The following PCDHGB4 variants were observed in gnomAD, a reference collection of about 807,000 sequenced individuals.
PCDHGB4 encodes protocadherin gamma-B4.
PCDHGB4 carries 38 observed loss-of-function variants against 60.5 expected under a neutral mutation model. That is an observed-to-expected ratio of 0.63 (90% CI 0.48 to 0.82). The LOEUF (loss-of-function observed/expected upper bound fraction) is 0.82. Among genes scored for constraint, PCDHGB4 ranks in the 40% least tolerant of loss-of-function variants. PCDHGB4 has a pLI of 0.00. For synonymous variants in PCDHGB4, 456 were observed against 509.7 expected, an observed-to-expected ratio of 0.89 and a Z score of 1.42; for missense variants, 1,109 against 1,209.6, an observed-to-expected ratio of 0.92 and a Z score of 1.23.
At position 141,388,133 on chromosome 5, in the gene PCDHGB4, G is replaced by T. The variant is rs2091251188; in HGVS notation, c.249G>T (p.Glu83Asp). 3 of 1,450,776 alleles carry T rather than the reference G, an allele frequency of 2.1e-6. No homozygotes were observed. The allele number at this position is 1,450,776 out of a possible 1,614,324, so 89.9% of individuals were successfully genotyped here. A position where few individuals can be genotyped will look rare whatever the true frequency, so the allele number is the denominator to read the frequency against. Reference sequence around the variant, plus strand: ...TCACCGTGAGCGCAGAGAGCGGGGAGTTGCTTGTGAGCAGCAGGCTAGACA... The same window carrying T: ...TCACCGTGAGCGCAGAGAGCGGGGATTTGCTTGTGAGCAGCAGGCTAGACA... ...PYFTVSAESG[E>D]LLVSSRLDRE... Residue 83 changes from glutamate to aspartate, a missense_variant, in exon 1 of 4, where the codon GAG becomes GAT. Transcript: ENST00000519479.
chr5:141,451,993 C>G (rs1235806360), intron 1 of PCDHGB4, among the ~76,000 whole-genome samples: 4 of 152,164 alleles, frequency 2.6e-5, no homozygotes, highest in African/African-American at 7.2e-5. Context: ...TCATTAGAAG[C>G]AAAATCACTT....
At chr5:141,504,182 C>A (rs2099836345) in intron 2 of PCDHGB4, among the ~76,000 whole-genome samples, 1 of 152,234 alleles carries the variant, frequency 6.6e-6, no homozygotes, top group Non-Finnish European at 1.5e-5. Context: ...TCAAAAAAAT[C>A]ATGAAAATTG....
intron 1 of PCDHGB4, chr5:141,423,343 C>T: frequency 6.2e-7 from 1 of 1,614,208 alleles, no homozygotes; most frequent in South Asian, 1.1e-5. Flanking sequence ...CTGCATCTTC[C>T]TGGTCTTTGT....
At chr5:141,404,892 A>T in intron 1 of PCDHGB4, 1 of 1,613,880 alleles carries the variant, frequency 6.2e-7, no homozygotes, top group African/African-American at 1.3e-5. Context: ...GTGGCTGTAC[A>T]GGACCATGGC....
chr5:141,430,395 A>C (rs1461176471), intron 1 of PCDHGB4, among the ~76,000 whole-genome samples: 1 of 152,096 alleles, frequency 6.6e-6, no homozygotes, highest in Non-Finnish European at 1.5e-5. Context: ...AAAAAAAAAA[A>C]AGCTCACTAA....
At position 141,389,596 on chromosome 5, in the gene PCDHGB4, C is replaced by A; in HGVS notation, c.1712C>A (p.Ala571Glu). The part of the protein sequence containing the change: ...LYPALGPDGS[A>E]LFDMVPHAAE... ...CCCGCGCTGGGTCCCGACGGCTCTG[C>A]GCTCTTCGATATGGTGCCGCACGCT... The change falls in exon 1 of 4, where the codon GCG becomes GAG. Residue 571 changes from alanine (A) to glutamate (E), a missense_variant. Around this residue, in one of 2 missense-constraint regions of PCDHGB4, gnomAD observed 1,068 missense variants for 1,089.9 expected, o/e 0.98. Transcript: ENST00000519479. 1 of 1,613,132 alleles carries A rather than the reference C, an allele frequency of 6.2e-7. No homozygotes were observed. Among genetic ancestry groups the A allele is most frequent in the Non-Finnish European group, 8.5e-7 (1 of 1,179,778 alleles).
intron 1 of PCDHGB4, chr5:141,475,850 G>C (rs2099376325): frequency 8.6e-6 from 4 of 464,524 alleles, no homozygotes; most frequent in Non-Finnish European, 1.5e-5. Flanking sequence ...AGAGAGCCCG[G>C]CGCTAGCTCA....
At chr5:141,415,176 C>A in intron 1 of PCDHGB4, 2 of 1,613,934 alleles carry the variant, frequency 1.2e-6, no homozygotes, top group Non-Finnish European at 1.7e-6. Context: ...TCACCGTGGC[C>A]GTGGCCGACA....
At chr5:141,403,060 T>G (rs2094346399) in intron 1 of PCDHGB4, 2 of 1,614,042 alleles carry the variant, frequency 1.2e-6, no homozygotes, top group Non-Finnish European at 8.5e-7. Flanking sequence ...ACTCAGTGCC[T>G]GAAGAGACAG....
intron 1 of PCDHGB4, chr5:141,393,221 AG>A (rs1394795238): frequency 1.2e-6 from 2 of 1,613,690 alleles, no homozygotes; most frequent in South Asian, 2.2e-5. Flanking sequence ...TCCAGGTCGA[AG>A]ATCTAGAAGT....
At chr5:141,407,316 G>A (rs2094914682) in intron 1 of PCDHGB4, among the ~76,000 whole-genome samples, 1 of 152,094 alleles carries the variant, frequency 6.6e-6, no homozygotes, top group Non-Finnish European at 1.5e-5. Flanking sequence ...TTCATACTTA[G>A]TATTTATAAA....
intron 1 of PCDHGB4, chr5:141,418,417 T>G: frequency 6.2e-7 from 1 of 1,614,002 alleles, no homozygotes; most frequent in Non-Finnish European, 8.5e-7. Flanking sequence ...AAGACAATCC[T>G]GATGGTGGCA....
Position 141,389,823 on chromosome 5 carries a change from G to C in PCDHGB4, c.1939G>C (p.Gly647Arg). 6.8e-6 allele frequency: 11 copies of C among 1,613,944 alleles called. No homozygotes were observed. Among genetic ancestry groups the C allele is most frequent in the Non-Finnish European group, 6.8e-6 (8 of 1,179,898 alleles). Residue 647 changes from glycine (G) to arginine (R), a missense_variant, in exon 1 of 4, where the codon GGT becomes CGT. Physicochemically the swap from Gly to Arg is moderately radical, Grantham distance 125. Around this residue, in one of 2 missense-constraint regions of PCDHGB4, gnomAD observed 1,068 missense variants for 1,089.9 expected, o/e 0.98. Transcript: ENST00000519479. ...GCGCCTTCTGGTCGCCGTGCGTGAC[G>C]GTGGACAGCCACCACTCTCGGCCAC... ...RQRLLVAVRD[G>R]GQPPLSATAT... is the part of the protein sequence containing the mutation.
chr5:141,415,896 AC>A, intron 1 of PCDHGB4: 1 of 882,726 alleles, frequency 1.1e-6, no homozygotes, highest in East Asian at 3.3e-5. Flanking sequence ...AATTCCTAAG[AC>A]AGACTTCCAT....
chr5:141,415,823 G>T (rs529200891), intron 1 of PCDHGB4: 1 of 1,316,022 alleles, frequency 7.6e-7, no homozygotes, highest in East Asian at 2.8e-5. Context: ...ATATCATAAG[G>T]CTTTGTTATG....
intron 1 of PCDHGB4, among the ~76,000 whole-genome samples, chr5:141,435,604 A>T (rs1361568996): frequency 6.6e-6 from 1 of 152,180 alleles, no homozygotes. Flanking sequence ...CCTGCTTTTT[A>T]CATTAAATTC....
chr5:141,390,650 G>A lies in PCDHGB4; in HGVS notation c.2397+369G>A, dbSNP rs750733568. ...TATGATGAATACTTTTTTCAGCTTG[G>A]ATATACCATAAATATAAAAATAATA... On this transcript the variant is annotated intron_variant, in intron 1 of 3. Coordinates refer to ENST00000519479, the MANE Select transcript of PCDHGB4 (RefSeq NM_003736.4). 69 of 210,892 alleles carry A rather than the reference G, an allele frequency of 3.3e-4. 1 individual carries two copies. The highest frequency in any genetic ancestry group is 5.4e-4 in the Non-Finnish European group (57 of 106,318). The allele number at this position is 210,892 out of a possible 1,614,324, so 13.1% of individuals were successfully genotyped here.
chr5:141,487,818 G>T lies in PCDHGB4; in HGVS notation c.2398-6989G>T, dbSNP rs1009237001. The T allele has an allele frequency of 1.2e-5, 16 of 1,331,602 alleles. No homozygotes were observed. Among genetic ancestry groups the T allele is most frequent in the Non-Finnish European group, 1.4e-5 (14 of 970,528 alleles). The allele number at this position is 1,331,602 out of a possible 1,614,324, so 82.5% of individuals were successfully genotyped here. On this transcript the variant is annotated intron_variant, in intron 1 of 3. Transcript: ENST00000519479. This position sits in a 1 kb window ranked among gnomAD's most constrained non-coding sequence, Gnocchi z 5.0. Reference sequence around the variant, plus strand: ...GAGTTGTCACAGTTTAGCATTGGGGGCGGGTCATGCCTATATCTGAGTAAG... The same window carrying T: ...GAGTTGTCACAGTTTAGCATTGGGGTCGGGTCATGCCTATATCTGAGTAAG...
At chr5:141,443,665 AACT>A (rs2154560310) in intron 1 of PCDHGB4, among the ~76,000 whole-genome samples, 1 of 152,358 alleles carries the variant, frequency 6.6e-6, no homozygotes, top group African/African-American at 2.4e-5. Context: ...CATTTTACTG[AACT>A]AGTAGTTTAC....
Sources: allele counts gnomAD v4.1 joint callset (sites outside exome capture counted in the v4.1 genomes callset), GRCh38; gene constraint gnomAD v4.1.1; regional missense constraint gnomAD v4.1.1; non-coding constraint Gnocchi (gnomAD v3.1); transcripts MANE v1.5; gene names NCBI Gene and HGNC (gene_info 2026-07-23, HGNC 2026-07-21).